Variants in SOX6 observed in about 807,000 individuals in gnomAD.
SOX6 encodes transcription factor SOX-6.
A neutral mutation model predicts 97.8 loss-of-function variants in SOX6; 11 were observed. That is an observed-to-expected ratio of 0.11 (90% CI 0.07 to 0.19). The LOEUF (loss-of-function observed/expected upper bound fraction) is 0.19. Ranked by LOEUF, SOX6 falls within the 10% of genes least tolerant of loss-of-function variation. SOX6 has a pLI of 1.00. For synonymous variants in SOX6, 360 were observed against 371.4 expected, an observed-to-expected ratio of 0.97 and a Z score of 0.35; for missense variants, 810 against 1,039.5, an observed-to-expected ratio of 0.78 and a Z score of 3.04.
chr11:16,344,548 T>A (rs1856725123), intron 1 of SOX6, among the ~76,000 whole-genome samples: 1 of 151,920 alleles, frequency 6.6e-6, no homozygotes, highest in South Asian at 2.1e-4. Context: ...CTTTAGAAAC[T>A]CATAAATCAA....
intron 6 of SOX6, among the ~76,000 whole-genome samples, chr11:16,144,113 G>A (rs556704074): frequency 5.9e-5 from 9 of 152,068 alleles, no homozygotes; most frequent in Middle Eastern, 3.4e-3. Context: ...AAAGCACTCC[G>A]CAGCAAATGT....
intron 10 of SOX6, among the ~76,000 whole-genome samples, chr11:16,050,621 T>C (rs1056050227): frequency 6.6e-6 from 1 of 152,228 alleles, no homozygotes; most frequent in East Asian, 1.9e-4. Context: ...GTGATGTTTC[T>C]TTATATGCTT....
At chr11:16,507,040 G>A (rs968288221) in intron 4 of SOX6, among the ~76,000 whole-genome samples, 2 of 152,044 alleles carry the variant, frequency 1.3e-5, no homozygotes, top group African/African-American at 2.4e-5. Context: ...CTCCAGCCAT[G>A]ATAACGGAGA....
intron 4 of SOX6, among the ~76,000 whole-genome samples, chr11:16,523,157 T>C (rs1205323613): frequency 6.8e-6 from 1 of 147,942 alleles, no homozygotes; most frequent in African/African-American, 2.6e-5. Context: ...GGACTCTCCA[T>C]CCCAAATCAA....
chr11:16,299,422 A>AT (rs534368113), intron 3 of SOX6, among the ~76,000 whole-genome samples: 17 of 151,926 alleles, frequency 1.1e-4, no homozygotes, highest in African/African-American at 2.7e-4. Flanking sequence ...ATGAGCCCAG[A>AT]TTTTTTTTAT....
intron 4 of SOX6, among the ~76,000 whole-genome samples, chr11:16,549,020 A>G (rs1253713378): frequency 6.6e-6 from 1 of 152,220 alleles, no homozygotes; most frequent in African/African-American, 2.4e-5. Context: ...TTAATTAAAA[A>G]TAATAATAAA....
At chr11:16,115,893 CCTTT>C (rs1302029073) in intron 6 of SOX6, among the ~76,000 whole-genome samples, 32 of 152,164 alleles carry the variant, frequency 2.1e-4, no homozygotes, top group Admixed American at 2.0e-3. Flanking sequence ...TTCCTTCCTT[CCTTT>C]CTATTTTTAT....
At chr11:16,180,116 T>A (rs1851308878) in intron 6 of SOX6, among the ~76,000 whole-genome samples, 1 of 151,724 alleles carries the variant, frequency 6.6e-6, no homozygotes, top group African/African-American at 2.4e-5. Context: ...GATGAATAAA[T>A]ATGTGAAAAA....
At chr11:16,406,478 T>C (rs1858689111) in intron 1 of SOX6, among the ~76,000 whole-genome samples, 2 of 152,122 alleles carry the variant, frequency 1.3e-5, no homozygotes, top group South Asian at 4.1e-4. Context: ...ATAATTCAAC[T>C]CTGCTCCATA....
At chr11:16,307,556 T>C (rs182352030) in intron 3 of SOX6, among the ~76,000 whole-genome samples, 6 of 152,260 alleles carry the variant, frequency 3.9e-5, no homozygotes, top group Non-Finnish European at 2.9e-5. Context: ...AAGCAAAATG[T>C]TCAAGATAAG....
intron 15 of SOX6, among the ~76,000 whole-genome samples, chr11:15,977,530 C>T (rs1468122419): frequency 6.6e-6 from 1 of 151,794 alleles, no homozygotes; most frequent in Non-Finnish European, 1.5e-5. Context: ...CTGCTTGTGC[C>T]CCCACTTACC....
At chr11:16,457,659 GCTTA>G (rs1859834989) in intron 1 of SOX6, among the ~76,000 whole-genome samples, 1 of 151,954 alleles carries the variant, frequency 6.6e-6, no homozygotes, top group South Asian at 2.1e-4. Context: ...GCTATACTAT[GCTTA>G]CTTAAAGCCT....
intron 4 of SOX6, among the ~76,000 whole-genome samples, chr11:16,547,804 G>T (rs1373076803): frequency 1.3e-5 from 2 of 152,102 alleles, no homozygotes; most frequent in African/African-American, 4.8e-5. Flanking sequence ...ACAGGGAAAT[G>T]ATCAATACTT....
intron 3 of SOX6, among the ~76,000 whole-genome samples, chr11:16,294,402 G>A (rs1432235914): frequency 1.3e-5 from 2 of 151,992 alleles, no homozygotes; most frequent in East Asian, 3.9e-4. Context: ...ATTGGACATC[G>A]TTATTTTATT....
At chr11:16,568,224 T>C (rs896838622) in intron 4 of SOX6, among the ~76,000 whole-genome samples, 1 of 152,096 alleles carries the variant, frequency 6.6e-6, no homozygotes, top group African/African-American at 2.4e-5. Context: ...AAATCCAAAA[T>C]TCAAAACACT....
rs553185528 is a variant in SOX6 at position 16,433,927 on chromosome 11, G to C, written c.-5+42388C>G. Among the ~76,000 whole-genome samples, 5 of 152,096 alleles carry C rather than the reference G, an allele frequency of 3.3e-5. No homozygotes were observed. The East Asian group carries it at 9.6e-4, about 29-fold the overall frequency. ...ACAGCTCTCAATCATCTACAAGGTA[G>C]TTCAAACTCCTTAATAAGACACAAA... On this transcript the variant is annotated intron_variant, in intron 1 of 15. Transcript: ENST00000396356.
At chr11:16,431,018 C>T (rs1223079859) in intron 1 of SOX6, among the ~76,000 whole-genome samples, 1 of 152,112 alleles carries the variant, frequency 6.6e-6, no homozygotes, top group Non-Finnish European at 1.5e-5. Context: ...TACTATTCTT[C>T]AAGTTCATCA....
intron 6 of SOX6, among the ~76,000 whole-genome samples, chr11:16,136,127 C>T (rs1166656180): frequency 3.3e-5 from 5 of 151,990 alleles, no homozygotes; most frequent in African/African-American, 1.2e-4. Context: ...CAAGAAATTC[C>T]CCTGCCTCAG....
intron 4 of SOX6, among the ~76,000 whole-genome samples, chr11:16,532,585 C>A (rs1238099463): frequency 1.3e-5 from 2 of 151,862 alleles, no homozygotes; most frequent in African/African-American, 4.8e-5. Flanking sequence ...TCCACTACAT[C>A]ATGATTCAAA....
Sources: allele counts gnomAD v4.1 joint callset (sites outside exome capture counted in the v4.1 genomes callset), GRCh38; gene constraint gnomAD v4.1.1; transcripts MANE v1.5; gene names NCBI Gene and HGNC (gene_info 2026-07-23, HGNC 2026-07-21).